The following SEZ6L variants were observed in gnomAD, a reference collection of about 807,000 sequenced individuals.
The protein encoded by SEZ6L is seizure 6-like protein.
Under a neutral mutation model 106.2 loss-of-function variants are expected in SEZ6L, and 37 were observed. The ratio of observed to expected loss-of-function variants is 0.35; its 90% CI spans 0.27 to 0.46. The LOEUF (loss-of-function observed/expected upper bound fraction) is 0.46. Among genes scored for constraint, SEZ6L ranks in the 20% least tolerant of loss-of-function variants. The probability of loss-of-function intolerance (pLI) is 1.00; values close to 1 mark genes in which losing one functional copy is unlikely to be tolerated. For missense variants in SEZ6L, 1,172 were observed against 1,332.8 expected, an observed-to-expected ratio of 0.88 and a Z score of 1.88; for synonymous variants, 541 against 570.4, an observed-to-expected ratio of 0.95 and a Z score of 0.73.
chr22:26,286,114 G>A (rs1005515447), intron 1 of SEZ6L, among the ~76,000 whole-genome samples: 1 of 152,192 alleles, frequency 6.6e-6, no homozygotes, highest in African/African-American at 2.4e-5. Flanking sequence ...TAACAGTTTT[G>A]CAGTACCTTT....
intron 1 of SEZ6L, among the ~76,000 whole-genome samples, chr22:26,217,742 C>T (rs1272529524): frequency 2.6e-5 from 4 of 152,360 alleles, no homozygotes; most frequent in Admixed American, 1.3e-4. Context: ...AAGTGGGCCT[C>T]GCAAATACAA....
chr22:26,341,653 A>C (rs1387209616), intron 10 of SEZ6L, among the ~76,000 whole-genome samples: 2 of 152,100 alleles, frequency 1.3e-5, no homozygotes, highest in East Asian at 3.9e-4. Flanking sequence ...ACATGGCCAA[A>C]CAGAATGATT....
chr22:26,301,894 GA>G (rs1474998080), intron 5 of SEZ6L, among the ~76,000 whole-genome samples: 1 of 152,194 alleles, frequency 6.6e-6, no homozygotes, highest in Non-Finnish European at 1.5e-5. Context: ...GCAGTGGTCA[GA>G]AACTGTATTG....
chr22:26,254,014 A>C (rs1158874343), intron 1 of SEZ6L: 2 of 152,244 alleles, frequency 1.3e-5, no homozygotes, highest in Non-Finnish European at 2.9e-5. Context: ...GGAAATGTTC[A>C]TCCTTCGTAG....
chr22:26,222,493 T>C (rs1012078341), intron 1 of SEZ6L, among the ~76,000 whole-genome samples: 1 of 152,222 alleles, frequency 6.6e-6, no homozygotes, highest in Admixed American at 6.5e-5. Flanking sequence ...ACCAGCATTA[T>C]TGAGCCCTTC....
intron 10 of SEZ6L, among the ~76,000 whole-genome samples, chr22:26,344,063 T>C (rs1457884793): frequency 6.6e-6 from 1 of 152,182 alleles, no homozygotes; most frequent in Non-Finnish European, 1.5e-5. Flanking sequence ...TCCCATTCAA[T>C]GGATGCATCA....
intron 1 of SEZ6L, among the ~76,000 whole-genome samples, chr22:26,255,814 C>A (rs2079797405): frequency 6.6e-6 from 1 of 152,194 alleles, no homozygotes; most frequent in Non-Finnish European, 1.5e-5. Flanking sequence ...CACTGGGAAT[C>A]CAATAAAAGT....
At chr22:26,204,743 G>A (rs972030350) in intron 1 of SEZ6L, among the ~76,000 whole-genome samples, 2 of 152,170 alleles carry the variant, frequency 1.3e-5, no homozygotes, top group South Asian at 2.1e-4. Flanking sequence ...CAGAGGGAAC[G>A]CTATATGGGA....
intron 12 of SEZ6L, among the ~76,000 whole-genome samples, chr22:26,355,012 G>A (rs929975251): frequency 6.6e-6 from 1 of 152,220 alleles, no homozygotes; most frequent in African/African-American, 2.4e-5. Flanking sequence ...CTGGCAGCGC[G>A]GCTCCTGAGT....
At chr22:26,373,016 G>A (rs2084092208) in intron 13 of SEZ6L, among the ~76,000 whole-genome samples, 1 of 152,168 alleles carries the variant, frequency 6.6e-6, no homozygotes, top group African/African-American at 2.4e-5. Flanking sequence ...GAGCAGCCCA[G>A]ACTGAAATCC....
chr22:26,169,834 G>A (rs1938451765), intron 1 of SEZ6L, 71 bp downstream of exon 1: 2 of 731,868 alleles, frequency 2.7e-6, no homozygotes, highest in Non-Finnish European at 1.9e-6. Context: ...AGGGGTCGGG[G>A]CTGACCAGGG....
intron 10 of SEZ6L, among the ~76,000 whole-genome samples, chr22:26,347,155 T>A (rs974636053): frequency 5.9e-5 from 9 of 151,896 alleles, no homozygotes; most frequent in African/African-American, 1.7e-4. Context: ...ATGATCATAC[T>A]CTTGCACTCC....
intron 1 of SEZ6L, among the ~76,000 whole-genome samples, chr22:26,233,807 G>T (rs1318539189): frequency 6.6e-6 from 1 of 152,212 alleles, no homozygotes; most frequent in African/African-American, 2.4e-5. Flanking sequence ...GGGGAAGAGG[G>T]TAAATGTGGT....
chr22:26,194,904 T>C (rs929634192), intron 1 of SEZ6L, among the ~76,000 whole-genome samples: 11 of 152,098 alleles, frequency 7.2e-5, no homozygotes, highest in Non-Finnish European at 1.5e-4. Context: ...TAGTTCGAAT[T>C]ATCTTATTTT....
chr22:26,233,283 C>G (rs1047529911), intron 1 of SEZ6L, among the ~76,000 whole-genome samples: 1 of 152,202 alleles, frequency 6.6e-6, no homozygotes, highest in African/African-American at 2.4e-5. Flanking sequence ...GGCGCCTCTT[C>G]CTGGAGCTGC....
At chr22:26,178,026 T>C (rs1470550081) in intron 1 of SEZ6L, among the ~76,000 whole-genome samples, 4 of 152,156 alleles carry the variant, frequency 2.6e-5, no homozygotes, top group Admixed American at 1.3e-4. Context: ...AAAAATGGAA[T>C]CCCTATCCCT....
chr22:26,245,346 G>A (rs2079298901), intron 1 of SEZ6L, among the ~76,000 whole-genome samples: 1 of 152,142 alleles, frequency 6.6e-6, no homozygotes, highest in South Asian at 2.1e-4. Context: ...CAAGAGAGAC[G>A]AGAGACAAAG....
chr22:26,205,614 C>G (rs991306539), intron 1 of SEZ6L, among the ~76,000 whole-genome samples: 2 of 151,954 alleles, frequency 1.3e-5, no homozygotes, highest in Non-Finnish European at 2.9e-5. Flanking sequence ...GTTTCTGATT[C>G]TCCATCTTAA....
At chr22:26,373,883 A>C (rs1329360485) in intron 14 of SEZ6L, among the ~76,000 whole-genome samples, 2 of 152,190 alleles carry the variant, frequency 1.3e-5, no homozygotes, top group Non-Finnish European at 2.9e-5. Context: ...TTGCCCTGGA[A>C]GCATTCAATG....
Sources: allele counts gnomAD v4.1 joint callset (sites outside exome capture counted in the v4.1 genomes callset), GRCh38; gene constraint gnomAD v4.1.1; transcripts MANE v1.5; gene names NCBI Gene and HGNC (gene_info 2026-07-23, HGNC 2026-07-21).